The following TBX1 variants were observed in gnomAD, a reference collection of about 807,000 sequenced individuals.
TBX1 encodes the protein T-box transcription factor 1, also known as T-box transcription factor TBX1.
In TBX1, 16 loss-of-function variants were observed where a neutral mutation model predicts 40.8. The observed-to-expected ratio is 0.39, with a 90% CI of 0.27 to 0.60. The LOEUF is 0.60. Ranked by LOEUF, TBX1 falls within the 20% of genes least tolerant of loss-of-function variation. TBX1 has a pLI of 0.51. For synonymous variants in TBX1, 403 were observed against 336.8 expected, an observed-to-expected ratio of 1.20 and a Z score of -2.15; for missense variants, 755 against 728.5, an observed-to-expected ratio of 1.04 and a Z score of -0.42.
chr22:19,773,339 C>T (rs544780560), intron 8 of TBX1, among the ~76,000 whole-genome samples: 10 of 152,244 alleles, frequency 6.6e-5, no homozygotes, highest in South Asian at 6.2e-4. Flanking sequence ...GGAAATGGGC[C>T]GCCAGGAGGT....
intron 1 of TBX1, 47 bp downstream of exon 1, chr22:19,761,327 C>T (rs1174353587): frequency 6.6e-7 from 1 of 1,511,476 alleles, no homozygotes; most frequent in South Asian, 1.2e-5. Context: ...CGTGCTGCCG[C>T]CAGGGCTGCG....
chr22:19,767,030 A>AC lies in TBX1; in HGVS notation c.*168dup. 1 of 1,344,830 alleles carries AC rather than the reference A, an allele frequency of 7.4e-7. No individual in the cohort carries two copies. Among genetic ancestry groups the AC allele is most frequent in the Non-Finnish European group, 9.5e-7 (1 of 1,051,402 alleles). The allele number at this position is 1,344,830 out of a possible 1,614,324, so 83.3% of individuals were successfully genotyped here. The stretch of plus-strand genomic sequence containing the variant: ...TCGAAGCCATGGGGGCCCCCTCGCC[A>AC]CCCCCAGCCCCTTGGGCTATCGAAG... On this transcript the variant is annotated 3_prime_UTR_variant, in exon 7 of 7. Transcript: ENST00000649276.
At chr22:19,768,421 A>C (rs911526270), downstream of TBX1, among the ~76,000 whole-genome samples, 4 of 152,154 alleles carry the variant, frequency 2.6e-5, no homozygotes, top group African/African-American at 7.2e-5. Flanking sequence ...AGGCCAGTCT[A>C]GGGTGGGAGG....
intron 1 of TBX1, among the ~76,000 whole-genome samples, chr22:19,762,299 G>C (rs1055216105): frequency 6.6e-6 from 1 of 152,372 alleles, no homozygotes; most frequent in Admixed American, 6.5e-5. Context: ...GGCTTCGGGT[G>C]GGGGAGGGAG....
At chr22:19,782,520 G>A (rs755248037), downstream of TBX1, among the ~76,000 whole-genome samples, 8 of 152,138 alleles carry the variant, frequency 5.3e-5, no homozygotes, top group Non-Finnish European at 8.8e-5. Context: ...TGAGATGAGC[G>A]ATTCTTTGGG....
At chr22:19,771,018 C>G (rs960082848), downstream of TBX1, among the ~76,000 whole-genome samples, 4 of 152,194 alleles carry the variant, frequency 2.6e-5, no homozygotes, top group Non-Finnish European at 5.9e-5. Context: ...TCTCTGTCAA[C>G]AGTGGAGGCC....
At chr22:19,763,139 AG>A (rs1936721051) in intron 1 of TBX1, 101 bp from the exon 2 acceptor site, 1 of 888,300 alleles carries the variant, frequency 1.1e-6, no homozygotes, top group African/African-American at 1.6e-5. Context: ...CAGCCCCCAG[AG>A]GCTGGAGGGA....
chr22:19,781,081 C>T (rs1937138783), downstream of TBX1, among the ~76,000 whole-genome samples: 1 of 152,100 alleles, frequency 6.6e-6, no homozygotes, highest in Admixed American at 6.5e-5. Flanking sequence ...TGCACCCGGC[C>T]CTGTTTTGTT....
At chr22:19,757,896 C>T (rs1482165254), upstream of TBX1, among the ~76,000 whole-genome samples, 1 of 152,208 alleles carries the variant, frequency 6.6e-6, no homozygotes, top group African/African-American at 2.4e-5. Context: ...GCACTAAGGA[C>T]AGCTTCCCTT....
In TBX1 at chr22:19,766,931, C is replaced by T; in HGVS notation, c.*64C>T. The T allele has an allele frequency of 1.3e-6, 2 of 1,561,062 alleles. No individual in the cohort carries two copies. The highest frequency in any genetic ancestry group is 8.6e-7 in the Non-Finnish European group (1 of 1,162,772). ...CCCCGAAGTTCGCCGGGCCCGGCCA[C>T]CCTGCCCCAAGGGCAAGCAAGGAAT... On this transcript the variant is annotated 3_prime_UTR_variant, in exon 7 of 7. Transcript: ENST00000649276.
chr22:19,763,112 G>A (rs1319336289), intron 1 of TBX1, 129 bp from the exon 2 acceptor site: 1 of 746,988 alleles, frequency 1.3e-6, no homozygotes, highest in African/African-American at 1.7e-5. Context: ...TGGAGCCCAA[G>A]GGCTGGGACG....
At chr22:19,765,688 A>G in intron 4 of TBX1, 70 bp from the exon 5 acceptor site, 1 of 1,563,628 alleles carries the variant, frequency 6.4e-7, no homozygotes, top group Non-Finnish European at 8.7e-7. Flanking sequence ...ACACTCCCCT[A>G]TCCTCCGCCG....
downstream of TBX1, among the ~76,000 whole-genome samples, chr22:19,767,871 C>T (rs1054962899): frequency 6.6e-6 from 1 of 152,220 alleles, no homozygotes; most frequent in Non-Finnish European, 1.5e-5. Flanking sequence ...TTTCCCCTGC[C>T]GGCCTAGCCC....
intron 8 of TBX1, among the ~76,000 whole-genome samples, chr22:19,773,277 C>T (rs991081571): frequency 4.6e-5 from 7 of 152,168 alleles, no homozygotes; most frequent in East Asian, 1.9e-4. Flanking sequence ...CTGCAGGGCC[C>T]GAGCTCTGGG....
At chr22:19,782,987 G>T, downstream of TBX1, 1 of 1,270,192 alleles carries the variant, frequency 7.9e-7, no homozygotes, top group Non-Finnish European at 1.2e-6. Context: ...TAAGAAGTCT[G>T]AGTCCCTGAG....
At chr22:19,775,847 G>A (rs1020543367) in intron 8 of TBX1, among the ~76,000 whole-genome samples, 1 of 152,200 alleles carries the variant, frequency 6.6e-6, no homozygotes, top group Non-Finnish European at 1.5e-5. Context: ...AGGCCGCATG[G>A]CCTGGAGTGC....
Position 19,766,435 on chromosome 22 carries a change from A to T in TBX1, c.1083A>T (p.Pro361=). 2 of 1,350,062 alleles carry T rather than the reference A, an allele frequency of 1.5e-6. No individual in the cohort carries two copies. The highest frequency in any genetic ancestry group is 1.9e-6 in the Non-Finnish European group (2 of 1,046,528). 83.6% of individuals were successfully genotyped at this position (1,350,062 alleles called of 1,614,324 possible). A position where few individuals can be genotyped will look rare whatever the true frequency, so the allele number is the denominator to read the frequency against. Residue 361 remains proline, a synonymous_variant, in exon 7 of 7, where the codon CCA becomes CCT. Transcript: ENST00000649276. ...RREFQRDAGG[P]AVLGDPAHPP... Reference sequence around the variant, plus strand: ...AATTCCAGCGCGACGCGGGCGGGCCAGCAGTGCTCGGGGACCCGGCGCATC... The same window carrying T: ...AATTCCAGCGCGACGCGGGCGGGCCTGCAGTGCTCGGGGACCCGGCGCATC...
intron 8 of TBX1, among the ~76,000 whole-genome samples, chr22:19,778,366 A>G (rs1937098467): frequency 6.6e-6 from 1 of 151,842 alleles, no homozygotes; most frequent in Non-Finnish European, 1.5e-5. Flanking sequence ...CCTCCAAAGC[A>G]CTGGGATTAT....
At chr22:19,770,644 C>T (rs566522832), downstream of TBX1, among the ~76,000 whole-genome samples, 23 of 152,316 alleles carry the variant, frequency 1.5e-4, 1 homozygote, top group Middle Eastern at 0.031. Flanking sequence ...CCCCACCCTG[C>T]GGCGCACCCT....
Sources: allele counts gnomAD v4.1 joint callset (sites outside exome capture counted in the v4.1 genomes callset), GRCh38; gene constraint gnomAD v4.1.1; transcripts MANE v1.5; gene names NCBI Gene and HGNC (gene_info 2026-07-23, HGNC 2026-07-21).